The following DGCR2 variants were observed in gnomAD, a reference collection of about 807,000 sequenced individuals.
The protein encoded by DGCR2 is DiGeorge syndrome critical region gene 2.
DGCR2 carries 24 observed loss-of-function variants against 51.6 expected under a neutral mutation model. The observed-to-expected ratio is 0.47, with a 90% CI of 0.34 to 0.65. The LOEUF is 0.65. DGCR2 is among the 30% of genes least tolerant of loss of function. The pLI, the probability that DGCR2 is intolerant of heterozygous loss-of-function variation, is 0.01. For missense variants in DGCR2, 765 were observed against 772.1 expected (o/e 0.99, Z 0.11); for synonymous variants, 340 against 315.4 (o/e 1.08, Z -0.82).
At chr22:19,092,906 G>T (rs1288162875) in intron 1 of DGCR2, among the ~76,000 whole-genome samples, 1 of 151,028 alleles carries the variant, frequency 6.6e-6, no homozygotes, top group Non-Finnish European at 1.5e-5. Flanking sequence ...AAGAGGAGGA[G>T]GAGGAGGAAA....
intron 1 of DGCR2, among the ~76,000 whole-genome samples, chr22:19,094,725 GAAAC>G (rs2083119410): frequency 6.6e-6 from 1 of 152,250 alleles, no homozygotes; most frequent in Non-Finnish European, 1.5e-5. Context: ...CCAAAAGCTG[GAAAC>G]AAACAGTGTC....
At chr22:19,082,349 A>C (rs921167155) in intron 2 of DGCR2, among the ~76,000 whole-genome samples, 12 of 150,888 alleles carry the variant, frequency 8.0e-5, no homozygotes, top group Non-Finnish European at 1.3e-4. Flanking sequence ...TCCTGGCATA[A>C]GCACCTGGCC....
chr22:19,039,920 C>T (rs1382345697), intron 9 of DGCR2, among the ~76,000 whole-genome samples: 1 of 152,100 alleles, frequency 6.6e-6, no homozygotes, highest in Non-Finnish European at 1.5e-5. Context: ...ACAGGCTGGT[C>T]TCGAACCAAC....
At chr22:19,052,732 G>C (rs1213090117) in intron 6 of DGCR2, among the ~76,000 whole-genome samples, 1 of 151,622 alleles carries the variant, frequency 6.6e-6, no homozygotes, top group Non-Finnish European at 1.5e-5. Flanking sequence ...AGTGAGCAGT[G>C]ATCACACCAC....
intron 2 of DGCR2, among the ~76,000 whole-genome samples, chr22:19,079,519 A>G (rs1381378567): frequency 6.6e-6 from 1 of 152,172 alleles, no homozygotes; most frequent in African/African-American, 2.4e-5. Context: ...AGCTTCCTGG[A>G]CTGCCATTTT....
chr22:19,084,272 G>A (rs1375474301), intron 2 of DGCR2, among the ~76,000 whole-genome samples: 1 of 151,982 alleles, frequency 6.6e-6, no homozygotes, highest in African/African-American at 2.4e-5. Context: ...TCTAGGAAGT[G>A]AGGAGTGTCT....
intron 1 of DGCR2, among the ~76,000 whole-genome samples, chr22:19,110,558 T>C (rs1429176861): frequency 6.6e-6 from 1 of 151,972 alleles, no homozygotes; most frequent in African/African-American, 2.4e-5. Flanking sequence ...CAAACCACCA[T>C]GGCACATGTA....
intron 1 of DGCR2, among the ~76,000 whole-genome samples, chr22:19,102,580 T>C (rs557095881): frequency 2.0e-5 from 3 of 152,192 alleles, no homozygotes; most frequent in East Asian, 1.9e-4. Flanking sequence ...CGGGCACCTG[T>C]AGTCCCAGCT....
intron 1 of DGCR2, among the ~76,000 whole-genome samples, chr22:19,108,371 G>A (rs899463444): frequency 1.3e-5 from 2 of 152,008 alleles, no homozygotes; most frequent in Non-Finnish European, 2.9e-5. Context: ...AGGAGTTGGA[G>A]ACCAGCTTGG....
intron 2 of DGCR2, among the ~76,000 whole-genome samples, chr22:19,075,631 T>A (rs5993501): frequency 6.6e-6 from 1 of 152,072 alleles, no homozygotes; most frequent in African/African-American, 2.4e-5. Flanking sequence ...TTCTACTTCC[T>A]GTATCTATGC....
chr22:19,089,483 C>T lies in DGCR2; in HGVS notation c.87G>A (p.Arg29=). The stretch of plus-strand genomic sequence containing the variant: ...GACACGCAAACTGCCCAGGGTTGCA[C>T]CGCAGCTCTGTGGGACCAAAGGGTG... ...TVTEPLRPEL[R]CNPGQFACRS... is the part of the protein sequence containing the mutation. Residue 29 remains arginine, a synonymous_variant, in exon 2 of 10, where the codon CGG becomes CGA. Transcript: ENST00000263196. 6.3e-7 allele frequency: 1 copy of T among 1,578,924 alleles called. No homozygotes were observed. The highest frequency in any genetic ancestry group is 8.6e-7 in the Non-Finnish European group (1 of 1,158,986).
At chr22:19,116,246 C>A (rs1432527132) in intron 1 of DGCR2, among the ~76,000 whole-genome samples, 1 of 152,200 alleles carries the variant, frequency 6.6e-6, no homozygotes, top group Non-Finnish European at 1.5e-5. Flanking sequence ...CTGAGCTTCC[C>A]CATCTCCCAG....
chr22:19,043,674 C>T (rs1284225495), intron 7 of DGCR2, among the ~76,000 whole-genome samples: 1 of 151,198 alleles, frequency 6.6e-6, no homozygotes, highest in Non-Finnish European at 1.5e-5. Flanking sequence ...TGGCCACTCC[C>T]ACCTCTGCAA....
At chr22:19,082,770 A>G (rs1016988010) in intron 2 of DGCR2, among the ~76,000 whole-genome samples, 98 of 149,862 alleles carry the variant, frequency 6.5e-4, no homozygotes, top group African/African-American at 2.3e-3. Flanking sequence ...AAAAAAACAG[A>G]AAAAAAAAGA....
intron 1 of DGCR2, among the ~76,000 whole-genome samples, chr22:19,104,439 A>T (rs999893145): frequency 2.1e-4 from 32 of 152,338 alleles, no homozygotes; most frequent in Non-Finnish European, 2.8e-4. Flanking sequence ...TATGCTGCAT[A>T]AATTGTTTAG....
At chr22:19,072,619 A>C (rs2082827377) in intron 2 of DGCR2, among the ~76,000 whole-genome samples, 1 of 152,214 alleles carries the variant, frequency 6.6e-6, no homozygotes, top group Admixed American at 6.5e-5. Context: ...CACGCCTGTA[A>C]TCCCAGCACT....
chr22:19,072,253 C>G (rs536675126), intron 2 of DGCR2, among the ~76,000 whole-genome samples: 4 of 152,154 alleles, frequency 2.6e-5, no homozygotes, highest in African/African-American at 7.2e-5. Context: ...GAACCCCAGG[C>G]TCCAGGCAGA....
rs574333670 is a variant in DGCR2, at chr22:19,065,259, C to T, written c.329-192G>A. On this transcript the variant is annotated intron_variant, in intron 3 of 9. Transcript: ENST00000263196. Reference sequence around the variant, plus strand: ...CTCAAGTTTCTCTAAAACACAGATTCAATGATACAAGTACATTCGGTGACT... The same window carrying T: ...CTCAAGTTTCTCTAAAACACAGATTTAATGATACAAGTACATTCGGTGACT... 1.4e-5 allele frequency: 8 copies of T among 592,380 alleles called. No homozygotes were observed. In the East Asian group the frequency reaches 2.3e-4, roughly 17 times the overall value. The allele number at this position is 592,380 out of a possible 1,614,324, so 36.7% of individuals were successfully genotyped here.
chr22:19,093,457 G>A (rs185165341), intron 1 of DGCR2, among the ~76,000 whole-genome samples: 68 of 151,528 alleles, frequency 4.5e-4, no homozygotes, highest in African/African-American at 1.6e-3. Context: ...GAAAATCTTC[G>A]CACCCTTGGT....
Sources: allele counts gnomAD v4.1 joint callset (sites outside exome capture counted in the v4.1 genomes callset), GRCh38; gene constraint gnomAD v4.1.1; transcripts MANE v1.5; gene names NCBI Gene and HGNC (gene_info 2026-07-23, HGNC 2026-07-21).